Variants in LRRC28 observed in about 807,000 individuals in gnomAD.
LRRC28 encodes leucine-rich repeat-containing protein 28.
Under a neutral mutation model 45.7 loss-of-function variants are expected in LRRC28, and 39 were observed. The observed-to-expected ratio is 0.85, with a 90% CI of 0.66 to 1.12. The LOEUF is 1.12. LRRC28 is among the 50% of genes most tolerant of loss of function. The pLI, the probability that LRRC28 is intolerant of heterozygous loss-of-function variation, is 0.00. For missense variants in LRRC28, 435 were observed against 438.5 expected (o/e 0.99, Z 0.07); for synonymous variants, 206 against 178.8 (o/e 1.15, Z -1.22).
At chr15:99,251,860 C>T (rs1310170313) in intron 1 of LRRC28, 1 of 152,252 alleles carries the variant, frequency 6.6e-6, no homozygotes, top group East Asian at 1.9e-4. Context: ...AAGACTCTGC[C>T]AGTGTTTGTT....
Position 99,268,353 on chromosome 15 carries a change from A to G in LRRC28, c.169-8223A>G, listed in dbSNP as rs141373104. Among the ~76,000 whole-genome samples the G allele has an allele frequency of 6.2e-3, 951 of 152,240 alleles. 14 individuals are homozygous for G. Among genetic ancestry groups the G allele is most frequent in the African/African-American group, 0.022 (893 of 41,534 alleles). On this transcript the variant is annotated intron_variant, in intron 2 of 9. Coordinates refer to ENST00000301981, the MANE Select transcript of LRRC28 (RefSeq NM_144598.5). ...ACTTAGCATATACCCTGTAATTTGTAGTTTCTGCCTAGGGAGTTAGGAGGG... is the reference window on the plus strand; with the variant it reads ...ACTTAGCATATACCCTGTAATTTGTGGTTTCTGCCTAGGGAGTTAGGAGGG...
Position 99,294,755 on chromosome 15 carries a change from C to G in LRRC28, c.385+6804C>G, listed in dbSNP as rs28506047. 2.6e-3 allele frequency among the ~76,000 whole-genome samples: 390 copies of G among 152,324 alleles called. 5 individuals carry two copies. Among genetic ancestry groups the G allele is most frequent in the African/African-American group, 8.8e-3 (365 of 41,572 alleles). ...CCTCCTGAGACCATTGCATTGGTGA[C>G]TAGGTTTCAACATATGAATTTAGAG... On this transcript the variant is annotated intron_variant, in intron 5 of 9. Coordinates refer to ENST00000301981, the MANE Select transcript of LRRC28 (RefSeq NM_144598.5).
At chr15:99,320,595 A>G (rs1374529154) in intron 5 of LRRC28, 1 of 152,220 alleles carries the variant, frequency 6.6e-6, no homozygotes, top group Non-Finnish European at 1.5e-5. Flanking sequence ...GCTAGTAAGC[A>G]TGCAGCTATA....
chr15:99,339,239 C>T (rs1956425242), intron 6 of LRRC28, among the ~76,000 whole-genome samples: 1 of 152,162 alleles, frequency 6.6e-6, no homozygotes, highest in East Asian at 1.9e-4. Flanking sequence ...GTGTTTACAA[C>T]TTATTCAATG....
intron 5 of LRRC28, among the ~76,000 whole-genome samples, chr15:99,296,010 G>A (rs1031027329): frequency 6.6e-6 from 1 of 152,190 alleles, no homozygotes; most frequent in African/African-American, 2.4e-5. Flanking sequence ...ATCTCATGTG[G>A]AGGTGAAGAG....
At chr15:99,354,410 C>T (rs1476056530) in intron 7 of LRRC28, among the ~76,000 whole-genome samples, 2 of 152,142 alleles carry the variant, frequency 1.3e-5, no homozygotes, top group Non-Finnish European at 2.9e-5. Flanking sequence ...AGGGACTTCC[C>T]AGTTCCAGTT....
At chr15:99,367,541 G>C (rs1243152740) in intron 9 of LRRC28, among the ~76,000 whole-genome samples, 1 of 152,106 alleles carries the variant, frequency 6.6e-6, no homozygotes, top group Non-Finnish European at 1.5e-5. Context: ...GAGCTCTCAT[G>C]ACCTAATCAC....
At chr15:99,290,242 G>T (rs1345456103) in intron 5 of LRRC28, among the ~76,000 whole-genome samples, 1 of 147,944 alleles carries the variant, frequency 6.8e-6, no homozygotes, top group African/African-American at 2.5e-5. Context: ...CTGGGTGACA[G>T]AGTGAGACCC....
intron 5 of LRRC28, among the ~76,000 whole-genome samples, chr15:99,333,348 G>T (rs574109425): frequency 6.6e-6 from 1 of 152,238 alleles, no homozygotes; most frequent in Admixed American, 6.5e-5. Flanking sequence ...AAAAGGTGCC[G>T]CATGCCTAAA....
Position 99,361,341 on chromosome 15 carries a change from G to A in LRRC28, c.701G>A (p.Gly234Asp). ...GAATGTGTGTCTTTCTGCAGCTGTG[G>A]TGCTCCCATTCAAGTTTCCGAGGTG... ...YNKVIGCSGC[G>D]APIQVSEVKL... is the part of the protein sequence containing the mutation. Residue 234 changes from glycine to aspartate, a missense_variant, in exon 8 of 10, where the codon GGT becomes GAT. Physicochemically the swap from Gly to Asp is moderately conservative, Grantham distance 94. Transcript: ENST00000301981. 1 of 1,612,036 alleles carries A rather than the reference G, an allele frequency of 6.2e-7. No homozygotes were observed. Among genetic ancestry groups the A allele is most frequent in the Non-Finnish European group, 8.5e-7 (1 of 1,179,256 alleles).
chr15:99,261,258 A>G (rs2081190174), intron 2 of LRRC28, among the ~76,000 whole-genome samples: 2 of 152,244 alleles, frequency 1.3e-5, no homozygotes, highest in Admixed American at 6.5e-5. Flanking sequence ...GTCAAACAAC[A>G]TAGAGGCGTA....
intron 2 of LRRC28, among the ~76,000 whole-genome samples, chr15:99,274,175 CA>C (rs1274849339): frequency 6.6e-6 from 1 of 152,102 alleles, no homozygotes; most frequent in Non-Finnish European, 1.5e-5. Flanking sequence ...AGTGAGTATT[CA>C]AAAATGCTTC....
At chr15:99,342,333 G>A (rs1956542003) in intron 6 of LRRC28, among the ~76,000 whole-genome samples, 1 of 152,160 alleles carries the variant, frequency 6.6e-6, no homozygotes, top group Non-Finnish European at 1.5e-5. Flanking sequence ...TGCCCTGCTT[G>A]TATCAGAATG....
chr15:99,306,568 G>A (rs1280445225), intron 5 of LRRC28, among the ~76,000 whole-genome samples: 2 of 152,078 alleles, frequency 1.3e-5, no homozygotes, highest in Non-Finnish European at 2.9e-5. Context: ...GAAAATTATT[G>A]TTAATTTTGT....
intron 9 of LRRC28, among the ~76,000 whole-genome samples, chr15:99,381,666 T>C (rs929291504): frequency 8.5e-5 from 13 of 152,248 alleles, no homozygotes; most frequent in African/African-American, 3.1e-4. Flanking sequence ...TGTGGTTTTA[T>C]CTACCTTTGG....
chr15:99,267,660 A>T (rs531656348), intron 2 of LRRC28, among the ~76,000 whole-genome samples: 1 of 152,338 alleles, frequency 6.6e-6, no homozygotes, highest in Admixed American at 6.5e-5. Context: ...AGTGTTTGTA[A>T]GTAAATGTGG....
chr15:99,291,619 G>A (rs978027736), intron 5 of LRRC28, among the ~76,000 whole-genome samples: 3 of 152,166 alleles, frequency 2.0e-5, no homozygotes, highest in Non-Finnish European at 4.4e-5. Context: ...CTTCTCCATA[G>A]TCCATGCTGA....
intron 7 of LRRC28, among the ~76,000 whole-genome samples, chr15:99,352,983 A>G (rs1368390097): frequency 6.6e-6 from 1 of 152,214 alleles, no homozygotes; most frequent in Non-Finnish European, 1.5e-5. Context: ...TAGTCCCTCA[A>G]AATAAATCAT....
At chr15:99,285,771 G>T in intron 3 of LRRC28, 1 of 510,998 alleles carries the variant, frequency 2.0e-6, no homozygotes, top group Non-Finnish European at 3.7e-6. Context: ...TTTATAGGTG[G>T]AACTTGAATT....
Sources: gnomAD v4.1 joint callset for allele counts (sites outside exome capture counted in the v4.1 genomes callset) on GRCh38, gnomAD v4.1.1 for gene constraint, MANE v1.5 for transcripts, NCBI Gene and HGNC (gene_info 2026-07-23, HGNC 2026-07-21) for gene names.